The following KCNH5 variants were observed in gnomAD, a reference collection of about 807,000 sequenced individuals.
KCNH5 encodes the protein voltage-gated delayed rectifier potassium channel KCNH5.
Under a neutral mutation model 96.1 loss-of-function variants are expected in KCNH5, and 46 were observed. That is an observed-to-expected ratio of 0.48 (90% CI 0.38 to 0.61). The LOEUF is 0.61. Among genes scored for constraint, KCNH5 ranks in the 20% least tolerant of loss-of-function variants. KCNH5 has a pLI of 0.00. For missense variants in KCNH5, 907 were observed against 1,225.8 expected, an observed-to-expected ratio of 0.74 and a Z score of 3.88; for synonymous variants, 439 against 449.8, an observed-to-expected ratio of 0.98 and a Z score of 0.30.
Position 62,708,432 on chromosome 14 carries a change from A to G in KCNH5, c.2043T>C (p.Asp681=). ...RKRIIFRKIS[D]VKKEEEERLR... ...GGCGCTCCTCCTCCTCTTTCTTCACATCACTGATCTTACGAAAGATGATCT... is the reference window on the plus strand; with the variant it reads ...GGCGCTCCTCCTCCTCTTTCTTCACGTCACTGATCTTACGAAAGATGATCT... Residue 681 remains aspartate (D), a synonymous_variant, in exon 11 of 11, where the codon GAT becomes GAC. Transcript: ENST00000322893. 6.3e-7 allele frequency: 1 copy of G among 1,599,900 alleles called. No individual in the cohort carries two copies. The highest frequency in any genetic ancestry group is 1.7e-4 in the Middle Eastern group (1 of 6,002).
At chr14:62,745,661 G>C (rs1595603799) in intron 10 of KCNH5, among the ~76,000 whole-genome samples, 1 of 152,160 alleles carries the variant, frequency 6.6e-6, no homozygotes, top group Non-Finnish European at 1.5e-5. Flanking sequence ...GAGGTTGGAA[G>C]AATAAACAGC....
rs376649352 is a variant in KCNH5, at chr14:62,779,882, G to A, written c.1865C>T (p.Thr622Ile). The change falls in exon 10 of 11, where the codon ACC (threonine) becomes ATC (isoleucine). Residue 622 changes from threonine to isoleucine, a missense_variant. Around this residue, in one of 6 missense-constraint regions of KCNH5, gnomAD observed 57 missense variants for 76.0 expected, o/e 0.75. Coordinates refer to ENST00000322893, the MANE Select transcript of KCNH5 (RefSeq NM_139318.5). ...VFGDIFWKET[T>I]LAHACANVRA... Reference sequence around the variant, plus strand: ...GACGTTCGCACATGCATGGGCAAGGGTGGTTTCCTTCCAGAAGATGTCTCC... The same window carrying A: ...GACGTTCGCACATGCATGGGCAAGGATGGTTTCCTTCCAGAAGATGTCTCC... 2.8e-5 allele frequency: 45 copies of A among 1,613,622 alleles called. No individual in the cohort carries two copies. The highest frequency in any genetic ancestry group is 3.6e-5 in the Non-Finnish European group (43 of 1,179,766).
At chr14:62,921,496 A>C (rs10137798) in intron 7 of KCNH5, among the ~76,000 whole-genome samples, 1 of 152,054 alleles carries the variant, frequency 6.6e-6, no homozygotes, top group East Asian at 1.9e-4. Flanking sequence ...TAGAAATTGA[A>C]TGTGATGGAG....
At chr14:63,010,758 C>CA (rs1186445229) in intron 2 of KCNH5, among the ~76,000 whole-genome samples, 1 of 152,186 alleles carries the variant, frequency 6.6e-6, no homozygotes, top group African/African-American at 2.4e-5. Context: ...GCTCTGCTCT[C>CA]AAAATCTCAC....
chr14:62,893,027 T>G (rs1169246465), intron 7 of KCNH5, among the ~76,000 whole-genome samples: 1 of 152,238 alleles, frequency 6.6e-6, no homozygotes, highest in East Asian at 1.9e-4. Flanking sequence ...TCAAGTCTTA[T>G]TATTTAAGAT....
chr14:62,815,978 C>T (rs1886969647), intron 8 of KCNH5, among the ~76,000 whole-genome samples: 1 of 151,718 alleles, frequency 6.6e-6, no homozygotes, highest in Admixed American at 6.6e-5. Flanking sequence ...TTTTATATTA[C>T]TTCTAAATCC....
intron 7 of KCNH5, among the ~76,000 whole-genome samples, chr14:62,862,525 C>T (rs892154691): frequency 6.6e-6 from 1 of 152,166 alleles, no homozygotes; most frequent in African/African-American, 2.4e-5. Flanking sequence ...ACTGCTTCTC[C>T]CACTAAAAGA....
At chr14:63,021,495 AG>A (rs1891426808) in intron 1 of KCNH5, among the ~76,000 whole-genome samples, 1 of 152,158 alleles carries the variant, frequency 6.6e-6, no homozygotes, top group African/African-American at 2.4e-5. Flanking sequence ...AAAACACTTA[AG>A]AATCATCTCA....
intron 7 of KCNH5, among the ~76,000 whole-genome samples, chr14:62,883,066 G>C (rs11848873): frequency 0.5 from 75,741 of 151,994 alleles, 19,303 homozygotes; most frequent in East Asian, 0.72. Context: ...AGGAATCACA[G>C]TGGGAACTGT....
rs1316983836 is a variant in KCNH5 at position 62,699,704 on chromosome 14, T to TCACA, written c.*7800_*7803dup. ...CTTCCCAGAAGCAACTGAATTTTGA[T>TCACA]CACAATTGTTTCATAATTGACCCTA... On this transcript the variant is annotated 3_prime_UTR_variant, in exon 11 of 11. Transcript: ENST00000322893. 1 of 152,186 alleles carries TCACA rather than the reference T, an allele frequency of 6.6e-6. No individual in the cohort carries two copies. Among genetic ancestry groups the TCACA allele is most frequent in the Admixed American group, 6.5e-5 (1 of 15,278 alleles). 9.4% of individuals were successfully genotyped at this position (152,186 alleles called of 1,614,324 possible).
chr14:62,738,014 CAATT>C (rs985092557), intron 10 of KCNH5, among the ~76,000 whole-genome samples: 7 of 152,174 alleles, frequency 4.6e-5, no homozygotes, highest in Non-Finnish European at 8.8e-5. Context: ...AGATTAAAAA[CAATT>C]AATCATAACA....
intron 8 of KCNH5, among the ~76,000 whole-genome samples, chr14:62,837,174 A>C (rs1887481952): frequency 1.3e-5 from 2 of 152,092 alleles, no homozygotes; most frequent in African/African-American, 4.8e-5. Context: ...CTGAAGGCCA[A>C]GTGTCTCTTT....
intron 7 of KCNH5, among the ~76,000 whole-genome samples, chr14:62,891,011 G>T (rs564672659): frequency 1.4e-3 from 219 of 152,262 alleles, no homozygotes; most frequent in Non-Finnish European, 2.7e-3. Flanking sequence ...TCCTCAAAGA[G>T]CTAAAAGTAG....
rs939352180 is a variant in KCNH5 at position 62,701,507 on chromosome 14, G to A, written c.*6001C>T. 2 of 152,040 alleles carry A rather than the reference G, an allele frequency of 1.3e-5. No individual in the cohort carries two copies. The highest frequency in any genetic ancestry group is 2.9e-5 in the Non-Finnish European group (2 of 67,974). The allele number at this position is 152,040 out of a possible 1,614,324, so 9.4% of individuals were successfully genotyped here. The stretch of plus-strand genomic sequence containing the variant: ...ACCTCATTTAAATAATCATGCAGTG[G>A]TAATGTAAAAGCCAGGATGGAAGTG... On this transcript the variant is annotated 3_prime_UTR_variant, in exon 11 of 11. Transcript: ENST00000322893.
intron 2 of KCNH5, among the ~76,000 whole-genome samples, chr14:63,009,751 G>C: frequency 6.6e-6 from 1 of 152,120 alleles, no homozygotes; most frequent in Admixed American, 6.6e-5. Context: ...TTCTCTGTGG[G>C]TATGGCACAT....
intron 4 of KCNH5, among the ~76,000 whole-genome samples, chr14:62,992,062 G>A (rs941536679): frequency 2.6e-5 from 4 of 151,844 alleles, no homozygotes; most frequent in African/African-American, 9.7e-5. Flanking sequence ...ACCCACTTAT[G>A]AGTGAGATTA....
At chr14:62,723,226 AC>A (rs1884853858) in intron 10 of KCNH5, among the ~76,000 whole-genome samples, 1 of 152,144 alleles carries the variant, frequency 6.6e-6, no homozygotes, top group South Asian at 2.1e-4. Context: ...GTCAATTTTT[AC>A]ATTTGCTTTC....
intron 10 of KCNH5, among the ~76,000 whole-genome samples, chr14:62,757,470 A>T (rs1885648055): frequency 6.6e-6 from 1 of 152,202 alleles, no homozygotes; most frequent in Admixed American, 6.5e-5. Context: ...AAATCAGTAT[A>T]TCGAAGAGAT....
intron 10 of KCNH5, among the ~76,000 whole-genome samples, chr14:62,753,918 T>G (rs1357873972): frequency 6.6e-6 from 1 of 152,144 alleles, no homozygotes; most frequent in Admixed American, 6.6e-5. Flanking sequence ...AACTTACTAG[T>G]AATAGTAAGT....
Sources: gnomAD v4.1 joint callset for allele counts (sites outside exome capture counted in the v4.1 genomes callset) on GRCh38, gnomAD v4.1.1 for gene constraint, gnomAD v4.1.1 regional missense constraint, MANE v1.5 for transcripts, NCBI Gene and HGNC (gene_info 2026-07-23, HGNC 2026-07-21) for gene names.